Variants in FLRT1 observed in about 807,000 individuals in gnomAD.
FLRT1 encodes leucine-rich repeat transmembrane protein FLRT1.
FLRT1 carries 14 observed loss-of-function variants against 30.9 expected under a neutral mutation model. The ratio of observed to expected loss-of-function variants is 0.45; its 90% confidence interval spans 0.30 to 0.71. The LOEUF is 0.71. FLRT1 is among the 30% of genes least tolerant of loss of function. FLRT1 has a pLI of 0.08. For missense variants in FLRT1, 737 were observed against 949.2 expected, an observed-to-expected ratio of 0.78 and a Z score of 2.94; for synonymous variants, 368 against 430.4, an observed-to-expected ratio of 0.85 and a Z score of 1.80.
chr11:64,044,586 CA>C (rs1225465727), intron 1 of FLRT1, among the ~76,000 whole-genome samples: 26 of 152,114 alleles, frequency 1.7e-4, no homozygotes, highest in Non-Finnish European at 3.5e-4. Context: ...GATTTTACCC[CA>C]GGGGTAAACT....
chr11:64,049,011 G>A (rs1040056673), intron 1 of FLRT1, among the ~76,000 whole-genome samples: 32 of 152,226 alleles, frequency 2.1e-4, no homozygotes, highest in African/African-American at 7.7e-4. Flanking sequence ...CTGGGGTGCC[G>A]GCTGCCTCCT....
chr11:64,104,883 G>C (rs1944731635), intron 2 of FLRT1, among the ~76,000 whole-genome samples: 1 of 152,188 alleles, frequency 6.6e-6, no homozygotes, highest in Non-Finnish European at 1.5e-5. Flanking sequence ...ATCCCAGGAG[G>C]CCAGAGGGAG....
chr11:64,089,647 C>T (rs1012613879), intron 1 of FLRT1, among the ~76,000 whole-genome samples: 6 of 152,354 alleles, frequency 3.9e-5, no homozygotes, highest in Admixed American at 2.0e-4. Flanking sequence ...CCTGGCCCCA[C>T]TCCTGGGGTG....
chr11:64,042,510 C>G (rs1435389313), intron 1 of FLRT1, among the ~76,000 whole-genome samples: 2 of 152,168 alleles, frequency 1.3e-5, no homozygotes, highest in African/African-American at 4.8e-5. Context: ...TGCAGCGTAA[C>G]CTTTGACCCC....
At chr11:64,043,970 C>G (rs776411740) in intron 1 of FLRT1, among the ~76,000 whole-genome samples, 1 of 152,068 alleles carries the variant, frequency 6.6e-6, no homozygotes, top group African/African-American at 2.4e-5. Context: ...CCCGCCACCA[C>G]GCCGGGCTAA....
chr11:64,047,995 C>T (rs1250444012), intron 1 of FLRT1, among the ~76,000 whole-genome samples: 6 of 152,222 alleles, frequency 3.9e-5, no homozygotes, highest in Non-Finnish European at 2.9e-5. Flanking sequence ...TTTCCCAGTG[C>T]CCTGTGTGCT....
At chr11:64,058,076 C>A (rs1177301316) in intron 1 of FLRT1, among the ~76,000 whole-genome samples, 1 of 152,252 alleles carries the variant, frequency 6.6e-6, no homozygotes, top group Non-Finnish European at 1.5e-5. Flanking sequence ...GCGCTAGGAA[C>A]AATTGCGAAC....
intron 2 of FLRT1, 47 bp from the exon 3 acceptor site, chr11:64,116,172 G>A (rs1020128842): frequency 4.7e-5 from 71 of 1,499,186 alleles, no homozygotes; most frequent in Admixed American, 1.9e-4. Context: ...TCCTGGGGTC[G>A]CTGTCGCCGC....
intron 1 of FLRT1, among the ~76,000 whole-genome samples, chr11:64,051,591 C>G (rs1943696475): frequency 6.6e-6 from 1 of 152,222 alleles, no homozygotes; most frequent in African/African-American, 2.4e-5. Flanking sequence ...TGACAGACGG[C>G]CTTGTGCCAC....
At chr11:64,055,708 T>C (rs979062871) in intron 1 of FLRT1, among the ~76,000 whole-genome samples, 9 of 152,092 alleles carry the variant, frequency 5.9e-5, no homozygotes, top group Non-Finnish European at 1.2e-4. Flanking sequence ...GATGGATGGA[T>C]GGATGGATGA....
At chr11:64,061,915 A>C (rs1943912593) in intron 1 of FLRT1, among the ~76,000 whole-genome samples, 1 of 115,748 alleles carries the variant, frequency 8.6e-6, no homozygotes, top group Admixed American at 1.1e-4. Flanking sequence ...GAGTCTTGCT[A>C]TGTTGCCCAG....
intron 2 of FLRT1, among the ~76,000 whole-genome samples, chr11:64,110,108 T>C (rs1944833948): frequency 6.6e-6 from 1 of 152,050 alleles, no homozygotes. Flanking sequence ...ACCACATTTA[T>C]AGATGAGGAA....
At chr11:64,113,463 T>C (rs1013663865) in intron 2 of FLRT1, among the ~76,000 whole-genome samples, 1 of 150,272 alleles carries the variant, frequency 6.7e-6, no homozygotes, top group Admixed American at 6.6e-5. Context: ...GGTGGATGCA[T>C]GGATTGATGC....
chr11:64,039,543 T>C (rs939785051), intron 1 of FLRT1, among the ~76,000 whole-genome samples: 25 of 152,112 alleles, frequency 1.6e-4, no homozygotes, highest in Admixed American at 1.4e-3. Flanking sequence ...GGGCCAGGGC[T>C]GTGGTGTGGG....
intron 1 of FLRT1, among the ~76,000 whole-genome samples, chr11:64,098,980 C>T (rs966795003): frequency 5.9e-5 from 9 of 152,188 alleles, no homozygotes; most frequent in African/African-American, 1.9e-4. Context: ...CAGAGAGCTC[C>T]GATCTTTAAG....
chr11:64,065,591 C>T (rs908616339), intron 1 of FLRT1, among the ~76,000 whole-genome samples: 7 of 151,570 alleles, frequency 4.6e-5, no homozygotes, highest in South Asian at 4.2e-4. Flanking sequence ...AGATCAAGAC[C>T]ATCCTGGCTA....
intron 1 of FLRT1, among the ~76,000 whole-genome samples, chr11:64,084,935 C>T (rs1944368292): frequency 1.3e-5 from 2 of 152,240 alleles, no homozygotes; most frequent in African/African-American, 4.8e-5. Flanking sequence ...CTTGGTGCTG[C>T]CCTCCCACAA....
chr11:64,110,616 CA>C (rs1837531063), intron 2 of FLRT1, among the ~76,000 whole-genome samples: 2 of 152,024 alleles, frequency 1.3e-5, no homozygotes, highest in Non-Finnish European at 2.9e-5. Context: ...GAGTAATGGA[CA>C]CCTACAGCCT....
At chr11:64,048,215 G>A (rs563540394) in intron 1 of FLRT1, among the ~76,000 whole-genome samples, 2 of 152,344 alleles carry the variant, frequency 1.3e-5, no homozygotes, top group African/African-American at 2.4e-5. Context: ...GGGGGCCTTC[G>A]AGGAGAGCTC....
Sources: allele counts gnomAD v4.1 joint callset (sites outside exome capture counted in the v4.1 genomes callset), GRCh38; gene constraint gnomAD v4.1.1; transcripts MANE v1.5; gene names NCBI Gene and HGNC (gene_info 2026-07-23, HGNC 2026-07-21).